Variants in RALGAPA2 observed in about 807,000 individuals in gnomAD.
The protein encoded by RALGAPA2 is Ral GTPase activating protein catalytic subunit alpha 2, also known as ral GTPase-activating protein subunit alpha-2.
A neutral mutation model predicts 230.4 loss-of-function variants in RALGAPA2; 139 were observed. The observed-to-expected ratio is 0.60, with a 90% CI of 0.53 to 0.69. The LOEUF (loss-of-function observed/expected upper bound fraction) is 0.69. RALGAPA2 is among the 30% of genes least tolerant of loss of function. The probability of loss-of-function intolerance (pLI) is 0.00; values close to 1 mark genes in which losing one functional copy is unlikely to be tolerated. For missense variants in RALGAPA2, 2,163 were observed against 2,276.0 expected, an observed-to-expected ratio of 0.95 and a Z score of 1.01; for synonymous variants, 847 against 837.8, an observed-to-expected ratio of 1.01 and a Z score of -0.19.
Position 20,637,378 on chromosome 20 carries a change from A to G in RALGAPA2, c.790T>C (p.Tyr264His), listed in dbSNP as rs772747736. ...CAGTACTTACCAAGTACAGGTTTGT[A>G]GATGTTTGTTAACTTAGTAAATGAT... Reference protein sequence around the residue: ...FPSFTKLTNIYKPVLDIPHLR... With the variant: ...FPSFTKLTNIHKPVLDIPHLR... The change falls in exon 8 of 40, where the codon TAC (tyrosine) becomes CAC (histidine). Residue 264 changes from tyrosine to histidine, a missense_variant. Transcript: ENST00000202677. 27 of 1,600,608 alleles carry G rather than the reference A, an allele frequency of 1.7e-5. No individual in the cohort carries two copies. Among genetic ancestry groups the G allele is most frequent in the African/African-American group, 2.7e-5 (2 of 74,662 alleles).
At position 20,524,432 on chromosome 20, in the gene RALGAPA2, C is replaced by G; in HGVS notation, c.3874G>C (p.Ala1292Pro). The change falls in exon 30 of 40, where the codon GCC (alanine) becomes CCC (proline). Residue 1292 changes from alanine to proline, a missense_variant. Ala to Pro is a conservative substitution (Grantham distance 27, BLOSUM62 -1). Coordinates refer to ENST00000202677, the MANE Select transcript of RALGAPA2 (RefSeq NM_020343.4). ...AVLEEQHSAR[A>P]PLLDYIYRVL... Reference sequence around the variant, plus strand: ...CTGTAGATATAATCCAGCAAGGGGGCTCTGGCCGAATGCTGCTCCTCTAGG... The same window carrying G: ...CTGTAGATATAATCCAGCAAGGGGGGTCTGGCCGAATGCTGCTCCTCTAGG... The G allele has an allele frequency of 1.9e-6, 3 of 1,613,872 alleles. No homozygotes were observed. The highest frequency in any genetic ancestry group is 2.5e-6 in the Non-Finnish European group (3 of 1,179,830).
intron 14 of RALGAPA2, among the ~76,000 whole-genome samples, chr20:20,607,655 A>T (rs1488130480): frequency 6.6e-6 from 1 of 152,212 alleles, no homozygotes; most frequent in Non-Finnish European, 1.5e-5. Flanking sequence ...GAGACTGATA[A>T]TGTTATTAGG....
intron 7 of RALGAPA2, 111 bp downstream of exon 7, chr20:20,639,674 C>A (rs2066966986): frequency 5.0e-6 from 4 of 792,750 alleles, no homozygotes; most frequent in Non-Finnish European, 8.1e-6. Flanking sequence ...AAAATCACCT[C>A]AAAGAAAAAG....
At chr20:20,447,171 C>T (rs2060883127) in intron 37 of RALGAPA2, among the ~76,000 whole-genome samples, 1 of 152,144 alleles carries the variant, frequency 6.6e-6, no homozygotes, top group Non-Finnish European at 1.5e-5. Context: ...TTGTCCAGCA[C>T]CAGAAGGAGG....
intron 16 of RALGAPA2, among the ~76,000 whole-genome samples, chr20:20,591,958 A>G (rs1355631960): frequency 1.3e-5 from 2 of 152,208 alleles, no homozygotes; most frequent in South Asian, 2.1e-4. Context: ...CAGTATTATT[A>G]CAAGCTATAT....
rs149644158 is a variant in RALGAPA2, at chr20:20,648,829, G to A, written c.328+4701C>T. Among the ~76,000 whole-genome samples, 6 of 152,272 alleles carry A rather than the reference G, an allele frequency of 3.9e-5. No individual in the cohort carries two copies. The East Asian group carries it at 1.2e-3, about 29-fold the overall frequency. On this transcript the variant is annotated intron_variant, in intron 4 of 39. Coordinates refer to ENST00000202677, the MANE Select transcript of RALGAPA2 (RefSeq NM_020343.4). ...CAGAGGTTTCCACAGAGGGAATGGT[G>A]GCTGATGTCTAGAATTGGCATGGGA... is the stretch of plus-strand genomic sequence containing the variant.
At chr20:20,511,622 T>C (rs1276741562) in intron 32 of RALGAPA2, among the ~76,000 whole-genome samples, 1 of 152,160 alleles carries the variant, frequency 6.6e-6, no homozygotes, top group Non-Finnish European at 1.5e-5. Context: ...CTGCTGTGAA[T>C]CCCTTTTCCC....
intron 1 of RALGAPA2, among the ~76,000 whole-genome samples, chr20:20,687,963 A>G (rs1231848560): frequency 6.6e-6 from 1 of 152,188 alleles, no homozygotes; most frequent in Non-Finnish European, 1.5e-5. Flanking sequence ...GACACCAGCC[A>G]GTATGTTTCG....
At chr20:20,420,654 G>GAGGCACTACACACAAGGAGGC (rs1254447519) in intron 37 of RALGAPA2, among the ~76,000 whole-genome samples, 2 of 152,134 alleles carry the variant, frequency 1.3e-5, no homozygotes, top group African/African-American at 4.8e-5. Context: ...GGCAGAGAAT[G>GAGGCACTACACACAAGGAGGC]AGGCACTACA....
At chr20:20,693,500 G>C (rs1568762749) in intron 1 of RALGAPA2, among the ~76,000 whole-genome samples, 1 of 152,130 alleles carries the variant, frequency 6.6e-6, no homozygotes, top group Non-Finnish European at 1.5e-5. Flanking sequence ...AATCGCTCCT[G>C]AGGGGAAAAG....
At chr20:20,420,825 G>T (rs1046451059) in intron 37 of RALGAPA2, among the ~76,000 whole-genome samples, 10 of 152,186 alleles carry the variant, frequency 6.6e-5, no homozygotes, top group African/African-American at 2.4e-4. Flanking sequence ...GTAAAAAAAA[G>T]ACCCTACTGT....
chr20:20,424,064 T>C (rs1047916794), intron 37 of RALGAPA2, among the ~76,000 whole-genome samples: 12 of 152,258 alleles, frequency 7.9e-5, no homozygotes, highest in East Asian at 1.9e-4. Context: ...CCTTCCGGCA[T>C]AGGGAGCTGA....
chr20:20,520,963 C>T lies in RALGAPA2; in HGVS notation c.4038G>A (p.Gln1346=), dbSNP rs778412465. 1 of 1,613,816 alleles carries T rather than the reference C, an allele frequency of 6.2e-7. No homozygotes were observed. The highest frequency in any genetic ancestry group is 2.2e-5 in the East Asian group (1 of 44,866). ...LANVKSSEPV[Q]YHSSAELGNL... is the part of the protein sequence containing the mutation. ...TACCCAATTCTGCTGATGAATGATA[C>T]TGGACTGGCTCAGAGCTCTTCACAT... The change falls in exon 31 of 40, where the codon CAG becomes CAA. Residue 1346 remains glutamine, a synonymous_variant. Coordinates refer to ENST00000202677, the MANE Select transcript of RALGAPA2 (RefSeq NM_020343.4).
chr20:20,584,877 C>G lies in RALGAPA2; in HGVS notation c.2518G>C (p.Glu840Gln). Residue 840 changes from glutamate (E) to glutamine (Q), a missense_variant, in exon 19 of 40, where the codon GAA becomes CAA. Transcript: ENST00000202677. The part of the protein sequence containing the change: ...DLQQTQGKCR[E>Q]RQKSESTNSD... The stretch of plus-strand genomic sequence containing the variant: ...TCCCGGAACTTACTCTTCTGTCTTT[C>G]CCTACATTTTCCTTGTGTCTGCTGC... The G allele has an allele frequency of 6.2e-7, 1 of 1,608,756 alleles. No homozygotes were observed. The highest frequency in any genetic ancestry group is 8.5e-7 in the Non-Finnish European group (1 of 1,175,810).
chr20:20,492,208 T>C lies in RALGAPA2; in HGVS notation c.5367+2909A>G, dbSNP rs922254320. 1.3e-5 allele frequency among the ~76,000 whole-genome samples: 2 copies of C among 151,998 alleles called. 1 individual carries two copies. Among genetic ancestry groups the C allele is most frequent in the South Asian group, 4.1e-4 (2 of 4,822 alleles). On this transcript the variant is annotated intron_variant, in intron 36 of 39. Transcript: ENST00000202677. ...CAAGACTTTTGTGTACTGATGAGGT[T>C]TTTTTTTCTCCCAAAAAAGGATTAA...
chr20:20,609,173 T>G (rs79588418), intron 14 of RALGAPA2, among the ~76,000 whole-genome samples: 1 of 151,868 alleles, frequency 6.6e-6, no homozygotes, highest in Non-Finnish European at 1.5e-5. Context: ...TTTTTTAAAA[T>G]TTTTTGTAGA....
chr20:20,524,360 C>T (rs1239401220), intron 30 of RALGAPA2, 46 bp downstream of exon 30: 31 of 1,608,840 alleles, frequency 1.9e-5, no homozygotes, highest in Non-Finnish European at 2.6e-5. Flanking sequence ...GGTTCTCTGT[C>T]ATATAAACCC....
chr20:20,584,238 G>A (rs566388771), intron 19 of RALGAPA2, among the ~76,000 whole-genome samples: 1 of 152,170 alleles, frequency 6.6e-6, no homozygotes, highest in Non-Finnish European at 1.5e-5. Flanking sequence ...CCATTTCTAA[G>A]TATTTAACCC....
At chr20:20,490,401 T>C (rs1168747212) in intron 36 of RALGAPA2, among the ~76,000 whole-genome samples, 1 of 152,192 alleles carries the variant, frequency 6.6e-6, no homozygotes, top group African/African-American at 2.4e-5. Flanking sequence ...CATAACATAG[T>C]AATCCATTTA....
Sources: gnomAD v4.1 joint callset for allele counts (sites outside exome capture counted in the v4.1 genomes callset) on GRCh38, gnomAD v4.1.1 for gene constraint, MANE v1.5 for transcripts, NCBI Gene and HGNC (gene_info 2026-07-23, HGNC 2026-07-21) for gene names.